Variants in EYS observed in about 807,000 individuals in gnomAD.
EYS encodes the protein protein eyes shut homolog.
A neutral mutation model predicts 282.1 loss-of-function variants in EYS; 250 were observed. The observed-to-expected ratio is 0.89, with a 90% CI of 0.80 to 0.98. The LOEUF is 0.98. EYS is among the 50% of genes least tolerant of loss of function. The probability of loss-of-function intolerance (pLI) is 0.00; values close to 1 mark genes in which losing one functional copy is unlikely to be tolerated. For synonymous variants in EYS, 1,355 were observed against 1,282.9 expected, an observed-to-expected ratio of 1.06 and a Z score of -1.20; for missense variants, 4,016 against 3,709.0, an observed-to-expected ratio of 1.08 and a Z score of -2.15.
chr6:64,407,952 CA>C (rs1362273117), intron 28 of EYS, among the ~76,000 whole-genome samples: 1 of 152,032 alleles, frequency 6.6e-6, no homozygotes, highest in Non-Finnish European at 1.5e-5. Context: ...AGGCTGGTCT[CA>C]AACTCCTGAC....
chr6:64,077,452 C>T (rs1771812839), intron 32 of EYS, among the ~76,000 whole-genome samples: 1 of 151,944 alleles, frequency 6.6e-6, no homozygotes, highest in Admixed American at 6.6e-5. Context: ...ATCTTTTAGT[C>T]TTCCATAAAT....
chr6:65,625,583 C>T (rs757257140), intron 2 of EYS, among the ~76,000 whole-genome samples: 3 of 152,070 alleles, frequency 2.0e-5, no homozygotes, highest in Non-Finnish European at 4.4e-5. Context: ...ATATTTTAGG[C>T]AAAGAGAGGT....
chr6:64,760,266 T>C (rs907925707), intron 22 of EYS, among the ~76,000 whole-genome samples: 5 of 152,138 alleles, frequency 3.3e-5, no homozygotes, highest in Admixed American at 3.3e-4. Flanking sequence ...TTTGACACTC[T>C]AGGCTGGTGA....
rs534731681 is a variant in EYS at position 64,195,449 on chromosome 6, C to T, written c.6424+35143G>A. 3.3e-5 allele frequency among the ~76,000 whole-genome samples: 5 copies of T among 152,212 alleles called. No homozygotes were observed. In the East Asian group the frequency reaches 9.7e-4, roughly 29 times the overall value. ...TCCCAAGTAGCTGGGACTACAGGCA[C>T]GTGCCACCATGCCCTGCCAATTTTT... On this transcript the variant is annotated intron_variant, in intron 31 of 42. Coordinates refer to ENST00000503581, the MANE Select transcript of EYS (RefSeq NM_001142800.2).
At chr6:65,119,064 G>T (rs972749984) in intron 12 of EYS, among the ~76,000 whole-genome samples, 1 of 152,052 alleles carries the variant, frequency 6.6e-6, no homozygotes, top group Middle Eastern at 3.2e-3. Flanking sequence ...AATGAGGGGA[G>T]AAAACATACC....
At chr6:65,448,623 A>G (rs1461391784) in intron 5 of EYS, among the ~76,000 whole-genome samples, 2 of 151,972 alleles carry the variant, frequency 1.3e-5, no homozygotes, top group Non-Finnish European at 2.9e-5. Flanking sequence ...ACACACACTC[A>G]TATACATACA....
intron 22 of EYS, among the ~76,000 whole-genome samples, chr6:64,785,045 G>A (rs924029): frequency 0.41 from 62,928 of 151,834 alleles, 15,547 homozygotes; most frequent in Admixed American, 0.59. Context: ...AGGAACTCCT[G>A]AACCCAGGAG....
At chr6:65,099,513 C>G (rs1185088481) in intron 12 of EYS, among the ~76,000 whole-genome samples, 1 of 150,392 alleles carries the variant, frequency 6.6e-6, no homozygotes, top group African/African-American at 2.4e-5. Context: ...TAAAGAAATA[C>G]TAAGTACCTA....
intron 36 of EYS, among the ~76,000 whole-genome samples, chr6:63,853,925 A>G (rs1019643682): frequency 1.1e-4 from 16 of 152,012 alleles, no homozygotes; most frequent in African/African-American, 2.9e-4. Flanking sequence ...AAAACTGGCT[A>G]GTCATATGCA....
intron 41 of EYS, among the ~76,000 whole-genome samples, chr6:63,727,457 A>G (rs549283231): frequency 6.6e-6 from 1 of 151,734 alleles, no homozygotes; most frequent in South Asian, 2.1e-4. Context: ...TTTTTTTAAA[A>G]AACTGTACTC....
At chr6:63,952,023 A>C (rs1398377014) in intron 35 of EYS, among the ~76,000 whole-genome samples, 2 of 152,128 alleles carry the variant, frequency 1.3e-5, no homozygotes, top group African/African-American at 2.4e-5. Context: ...AACTAACCTC[A>C]CCTTCAAGGT....
intron 14 of EYS, among the ~76,000 whole-genome samples, chr6:64,960,848 C>T (rs919000535): frequency 6.6e-6 from 1 of 152,248 alleles, no homozygotes; most frequent in East Asian, 1.9e-4. Flanking sequence ...TGTTGTTCCC[C>T]TCTATGTGTC....
At chr6:64,261,414 C>T (rs1441569198) in intron 30 of EYS, among the ~76,000 whole-genome samples, 7 of 151,994 alleles carry the variant, frequency 4.6e-5, no homozygotes, top group African/African-American at 1.2e-4. Flanking sequence ...GATATAGACA[C>T]GTAAATAAAA....
In EYS at chr6:64,589,911, AAT is replaced by A. The variant is rs1766346765; in HGVS notation, c.5644+310_5644+311del. Among the ~76,000 whole-genome samples, 4 of 152,074 alleles carry A rather than the reference AAT, an allele frequency of 2.6e-5. No individual in the cohort carries two copies. In the East Asian group the frequency reaches 7.7e-4, roughly 29 times the overall value. On this transcript the variant is annotated intron_variant, in intron 26 of 42. Coordinates refer to ENST00000503581, the MANE Select transcript of EYS (RefSeq NM_001142800.2). ...CAAAGAAGCTATTTCAAGAAATGAG[AAT>A]AATAAAAGTTATTTCTAAACTTTGA...
intron 1 of EYS, among the ~76,000 whole-genome samples, chr6:65,657,703 A>G (rs997076276): frequency 4.6e-5 from 7 of 151,890 alleles, no homozygotes; most frequent in African/African-American, 1.4e-4. Flanking sequence ...GGGATTTAGC[A>G]TATTACATAA....
chr6:63,861,637 C>G (rs1490866756), intron 36 of EYS, among the ~76,000 whole-genome samples: 1 of 152,118 alleles, frequency 6.6e-6, no homozygotes, highest in Non-Finnish European at 1.5e-5. Flanking sequence ...CCCCTAGAAT[C>G]ACATGTTAAA....
Position 64,230,608 on chromosome 6 carries a change from G to C in EYS, c.6408C>G (p.Gly2136=). The C allele has an allele frequency of 6.5e-7, 1 of 1,546,184 alleles. No individual in the cohort carries two copies. The highest frequency in any genetic ancestry group is 8.8e-7 in the Non-Finnish European group (1 of 1,142,376). ...FQCDCPLHFT[G]RFCEKDAGLF... ...ATTGATTACCTTTTTCACAGAAGCG[G>C]CCAGTGAAATGTAGTGGACAGTCAC... Residue 2136 remains glycine (G), a synonymous_variant, in exon 31 of 43, where the codon GGC becomes GGG. Coordinates refer to ENST00000503581, the MANE Select transcript of EYS (RefSeq NM_001142800.2).
chr6:65,028,935 T>C (rs1393293198), intron 13 of EYS, among the ~76,000 whole-genome samples: 1 of 152,144 alleles, frequency 6.6e-6, no homozygotes, highest in Admixed American at 6.5e-5. Context: ...AGTATTTGTC[T>C]ATTTTTCAAT....
At chr6:65,412,483 T>A (rs1767060007) in intron 5 of EYS, among the ~76,000 whole-genome samples, 1 of 152,216 alleles carries the variant, frequency 6.6e-6, no homozygotes, top group South Asian at 2.1e-4. Context: ...ACTCCTCATA[T>A]GCACCAGCAT....
Sources: gnomAD v4.1 joint callset for allele counts (sites outside exome capture counted in the v4.1 genomes callset) on GRCh38, gnomAD v4.1.1 for gene constraint, MANE v1.5 for transcripts, NCBI Gene and HGNC (gene_info 2026-07-23, HGNC 2026-07-21) for gene names.